Variants in CALD1 observed in about 807,000 individuals in gnomAD.
CALD1 encodes the protein caldesmon 1, also known as caldesmon.
CALD1 carries 33 observed loss-of-function variants against 99.9 expected under a neutral mutation model. That is an observed-to-expected ratio of 0.33 (90% CI 0.25 to 0.44). CALD1 has a LOEUF of 0.44. Among genes scored for constraint, CALD1 ranks in the 20% least tolerant of loss-of-function variants. The pLI, the probability that CALD1 is intolerant of heterozygous loss-of-function variation, is 1.00. For synonymous variants in CALD1, 310 were observed against 325.0 expected (o/e 0.95, Z 0.50); for missense variants, 861 against 962.1 (o/e 0.89, Z 1.39).
At chr7:134,938,442 C>G (rs1165247952) in intron 6 of CALD1, among the ~76,000 whole-genome samples, 1 of 152,148 alleles carries the variant, frequency 6.6e-6, no homozygotes, top group Non-Finnish European at 1.5e-5. Flanking sequence ...CCCAAATGAT[C>G]CCATTTGGCC....
intron 9 of CALD1, among the ~76,000 whole-genome samples, chr7:134,951,014 A>C (rs757342017): frequency 6.6e-6 from 1 of 152,234 alleles, no homozygotes; most frequent in Non-Finnish European, 1.5e-5. Flanking sequence ...AGGTGCCAGC[A>C]GATGTGGTGT....
chr7:134,908,996 T>A (rs1161871268), intron 3 of CALD1, among the ~76,000 whole-genome samples: 1 of 152,202 alleles, frequency 6.6e-6, no homozygotes, highest in Admixed American at 6.5e-5. Flanking sequence ...CTCTGCCAGG[T>A]AGTTGAAAAC....
At chr7:134,930,295 C>T (rs932172085) in intron 4 of CALD1, among the ~76,000 whole-genome samples, 1 of 152,044 alleles carries the variant, frequency 6.6e-6, no homozygotes, top group East Asian at 1.9e-4. Flanking sequence ...TAGTATATGT[C>T]ATTTATATTG....
chr7:134,952,979 T>C (rs1807475922), intron 9 of CALD1, among the ~76,000 whole-genome samples: 1 of 152,172 alleles, frequency 6.6e-6, no homozygotes, highest in South Asian at 2.1e-4. Flanking sequence ...GTGGCTGCCC[T>C]GATGGCTCTA....
At chr7:134,923,016 G>A (rs530814666) in intron 3 of CALD1, among the ~76,000 whole-genome samples, 2 of 152,178 alleles carry the variant, frequency 1.3e-5, no homozygotes, top group African/African-American at 4.8e-5. Flanking sequence ...CATGCTACTC[G>A]TACAATCAAA....
At chr7:134,928,103 T>C (rs908962753) in intron 3 of CALD1, 2 of 322,106 alleles carry the variant, frequency 6.2e-6, no homozygotes, top group Non-Finnish European at 1.3e-5. Flanking sequence ...AAGCATTTTG[T>C]TTATTTTTGG....
intron 3 of CALD1, among the ~76,000 whole-genome samples, chr7:134,928,432 A>C (rs1805220532): frequency 6.7e-6 from 1 of 148,236 alleles, no homozygotes; most frequent in Non-Finnish European, 1.5e-5. Flanking sequence ...GGGTCTCAAA[A>C]AAAAAAAAAA....
At chr7:134,964,240 G>A (rs564166317) in intron 13 of CALD1, among the ~76,000 whole-genome samples, 4 of 152,242 alleles carry the variant, frequency 2.6e-5, no homozygotes, top group Admixed American at 2.6e-4. Context: ...TGGGCTGCCC[G>A]GCAACGGATC....
intron 1 of CALD1, among the ~76,000 whole-genome samples, chr7:134,806,141 C>A (rs543567117): frequency 2.0e-5 from 3 of 152,228 alleles, no homozygotes; most frequent in Non-Finnish European, 2.9e-5. Context: ...GCATTACCTG[C>A]ATTGCAGAGC....
At chr7:134,863,943 A>C (rs1332146303) in intron 2 of CALD1, among the ~76,000 whole-genome samples, 1 of 152,150 alleles carries the variant, frequency 6.6e-6, no homozygotes, top group Non-Finnish European at 1.5e-5. Flanking sequence ...AGCAAGGAGG[A>C]AGGAAAGGAA....
At chr7:134,950,646 G>A in intron 9 of CALD1, 132 bp downstream of exon 9, 1 of 752,390 alleles carries the variant, frequency 1.3e-6, no homozygotes, top group African/African-American at 1.8e-5. Flanking sequence ...ATCTGTTCAG[G>A]CTGCTATAAC....
At chr7:134,732,205 T>C in the CALD1 span, among the ~76,000 whole-genome samples, 2 of 152,252 alleles carry the variant, frequency 1.3e-5, no homozygotes, top group Non-Finnish European at 2.9e-5. Context: ...AACTTATACC[T>C]GACACACTGC....
chr7:134,841,763 A>T (rs1799660454), intron 1 of CALD1, among the ~76,000 whole-genome samples: 1 of 152,184 alleles, frequency 6.6e-6, no homozygotes, highest in South Asian at 2.1e-4. Flanking sequence ...TGTCCAGCAC[A>T]TCTTTCAGCA....
At chr7:134,882,158 C>T (rs1801635347) in intron 3 of CALD1, among the ~76,000 whole-genome samples, 1 of 152,208 alleles carries the variant, frequency 6.6e-6, no homozygotes, top group Non-Finnish European at 1.5e-5. Context: ...CAAGGCACAA[C>T]TGTGACAAAT....
intron 3 of CALD1, chr7:134,868,059 T>C (rs893870924): frequency 2.8e-5 from 7 of 252,830 alleles, no homozygotes; most frequent in African/African-American, 6.7e-5. Context: ...ATTTAATCAA[T>C]ACCTTTCACA....
chr7:134,863,821 C>T (rs7803531), intron 2 of CALD1, among the ~76,000 whole-genome samples: 115,976 of 152,110 alleles, frequency 0.76, 44,923 homozygotes, highest in East Asian at 0.97. Flanking sequence ...ATTTCCGACA[C>T]AGGGTGGGAG....
chr7:134,932,924 G>C (rs931252688), intron 4 of CALD1, 64 bp from the exon 5 acceptor site: 2 of 1,143,146 alleles, frequency 1.7e-6, no homozygotes, highest in Admixed American at 4.4e-5. Context: ...AGCACAGGCT[G>C]TATGAATGCT....
chr7:134,968,267 A>G lies in CALD1; in HGVS notation c.2377-73A>G, dbSNP rs959958131. 7 of 1,299,382 alleles carry G rather than the reference A, an allele frequency of 5.4e-6. No homozygotes were observed. The African/African-American group carries it at 7.2e-5, about 13-fold the overall frequency. The allele number at this position is 1,299,382 out of a possible 1,614,324, so 80.5% of individuals were successfully genotyped here. On this transcript the variant is annotated intron_variant, in intron 14 of 14. Coordinates refer to ENST00000361675, the MANE Select transcript of CALD1 (RefSeq NM_033138.4). ...CATTTTTCTTCTGACTATAAAAACC[A>G]TCTGCCTGAAACACTGCAGGCTGTC... is the stretch of plus-strand genomic sequence containing the variant.
intron 2 of CALD1, among the ~76,000 whole-genome samples, chr7:134,861,924 G>C (rs144104175): frequency 6.6e-6 from 1 of 152,310 alleles, no homozygotes; most frequent in East Asian, 1.9e-4. Flanking sequence ...TACAATATAA[G>C]AGAAGAAACT....
Sources: allele counts gnomAD v4.1 joint callset (sites outside exome capture counted in the v4.1 genomes callset), GRCh38; gene constraint gnomAD v4.1.1; transcripts MANE v1.5; gene names NCBI Gene and HGNC (gene_info 2026-07-23, HGNC 2026-07-21).